CCDC112: variants seen among roughly 807,000 people sequenced by gnomAD.
CCDC112 encodes coiled-coil domain containing 112, also known as coiled-coil domain-containing protein 112.
In CCDC112, 40 loss-of-function variants were observed where a neutral mutation model predicts 66.3. The observed-to-expected ratio is 0.60, with a 90% CI of 0.47 to 0.79. The LOEUF is 0.79. CCDC112 is among the 30% of genes least tolerant of loss of function. The pLI, the probability that CCDC112 is intolerant of heterozygous loss-of-function variation, is 0.00. For synonymous variants in CCDC112, 214 were observed against 197.2 expected (o/e 1.09, Z -0.71); for missense variants, 659 against 603.8 (o/e 1.09, Z -0.96).
intron 2 of CCDC112, among the ~76,000 whole-genome samples, chr5:115,283,251 C>G (rs917602518): frequency 6.6e-6 from 1 of 151,888 alleles, no homozygotes; most frequent in African/African-American, 2.4e-5. Context: ...TAACTTGTAC[C>G]CTTTGACCAA....
In CCDC112 at chr5:115,275,371, G is replaced by A. The variant is rs748964546; in HGVS notation, c.763C>T (p.His255Tyr). 20 of 1,613,856 alleles carry A rather than the reference G, an allele frequency of 1.2e-5. No homozygotes were observed. Among genetic ancestry groups the A allele is most frequent in the Non-Finnish European group, 1.3e-5 (15 of 1,180,004 alleles). Residue 255 changes from histidine to tyrosine, a missense_variant, in exon 6 of 10, where the codon CAC becomes TAC. Coordinates refer to ENST00000379611, the MANE Select transcript of CCDC112 (RefSeq NM_001040440.3). The stretch of plus-strand genomic sequence containing the variant: ...TTTCTCACCTTTACAAAGTTCTGGT[G>A]ATCATAATCATCCCAGGCACCTTGT... ...GRQGAWDDYD[H>Y]QNFVKVRNKH...
intron 1 of CCDC112, chr5:115,296,153 G>GC: frequency 8.4e-7 from 1 of 1,187,320 alleles, no homozygotes; most frequent in Non-Finnish European, 1.0e-6. Flanking sequence ...AAGAAAGTGA[G>GC]TCGCCGACAG....
intron 4 of CCDC112, among the ~76,000 whole-genome samples, chr5:115,276,309 A>G (rs960875094): frequency 6.6e-6 from 1 of 152,192 alleles, no homozygotes; most frequent in African/African-American, 2.4e-5. Flanking sequence ...GAAAGCTCAG[A>G]TATATCAAGT....
intron 2 of CCDC112, among the ~76,000 whole-genome samples, chr5:115,283,683 T>A (rs2963770): frequency 0.3 from 45,843 of 151,972 alleles, 7,294 homozygotes; most frequent in Middle Eastern, 0.53. Flanking sequence ...CTCCAAAAGC[T>A]ACGATATGGT....
rs1214298742 is a variant in CCDC112 at position 115,268,875 on chromosome 5, T to C, written c.1547+7A>G. 6.6e-7 allele frequency: 1 copy of C among 1,525,990 alleles called. No individual in the cohort carries two copies. The highest frequency in any genetic ancestry group is 8.9e-7 in the Non-Finnish European group (1 of 1,121,716). 94.5% of individuals were successfully genotyped at this position (1,525,990 alleles called of 1,614,324 possible). ...CTAAATGAACACCAATTCTAACTCTTTCTTACCTATGTGGGATATGTAGAA... is the reference window on the plus strand; with the variant it reads ...CTAAATGAACACCAATTCTAACTCTCTCTTACCTATGTGGGATATGTAGAA... On this transcript the variant is annotated splice_region_variant and intron_variant, in intron 9 of 9. Transcript: ENST00000379611.
At chr5:115,278,766 T>C (rs1032993111) in intron 3 of CCDC112, among the ~76,000 whole-genome samples, 5 of 152,244 alleles carry the variant, frequency 3.3e-5, no homozygotes, top group African/African-American at 1.2e-4. Context: ...GTGTAATCTT[T>C]TCTTTTAAAA....
intron 1 of CCDC112, among the ~76,000 whole-genome samples, chr5:115,291,246 G>A (rs1033397751): frequency 6.6e-6 from 1 of 151,772 alleles, no homozygotes; most frequent in Non-Finnish European, 1.5e-5. Flanking sequence ...ATGATTATGC[G>A]GTTTTGCCCT....
intron 7 of CCDC112, 134 bp downstream of exon 7, chr5:115,271,079 G>A (rs945175700): frequency 3.0e-5 from 22 of 726,164 alleles, no homozygotes; most frequent in Admixed American, 9.1e-5. Context: ...TAGGGAGCAC[G>A]GCTTACTCAT....
chr5:115,267,944 T>C, intron 9 of CCDC112, 26 bp from the exon 10 acceptor site: 1 of 1,576,084 alleles, frequency 6.3e-7, no homozygotes, highest in South Asian at 1.1e-5. Flanking sequence ...GAAAAGCAAT[T>C]GTAAATATGT....
chr5:115,281,765 AAAC>A (rs984455542), intron 2 of CCDC112, among the ~76,000 whole-genome samples: 1 of 152,204 alleles, frequency 6.6e-6, no homozygotes, highest in Non-Finnish European at 1.5e-5. Flanking sequence ...ACAAAAATGA[AAAC>A]AACCTCCTCA....
At chr5:115,286,579 A>G (rs1304850577) in intron 1 of CCDC112, among the ~76,000 whole-genome samples, 3 of 152,184 alleles carry the variant, frequency 2.0e-5, no homozygotes, top group Non-Finnish European at 2.9e-5. Context: ...TTTCTGGATC[A>G]TAAAGTAACT....
At chr5:115,268,019 A>G (rs1748816074) in intron 9 of CCDC112, 101 bp from the exon 10 acceptor site, 1 of 860,964 alleles carries the variant, frequency 1.2e-6, no homozygotes, top group East Asian at 2.5e-5. Flanking sequence ...TATATAACCT[A>G]CCCTGCATGT....
chr5:115,285,379 T>A (rs894385797), intron 1 of CCDC112, among the ~76,000 whole-genome samples: 1 of 152,062 alleles, frequency 6.6e-6, no homozygotes, highest in Non-Finnish European at 1.5e-5. Context: ...AGGGCTCAGA[T>A]GGAGAAAGCG....
chr5:115,271,270 T>G lies in CCDC112; in HGVS notation c.1275A>C (p.Ala425=). ...LRLEKEIREK[A]EKAEKRKNAA... ...CATTTTTCCTTTTTTCTGCCTTTTC[T>G]GCCTTTTCCCTTATCTCCTTTTCAA... The change falls in exon 7 of 10, where the codon GCA becomes GCC. Residue 425 remains alanine (A), a synonymous_variant. Coordinates refer to ENST00000379611, the MANE Select transcript of CCDC112 (RefSeq NM_001040440.3). 4 of 1,597,578 alleles carry G rather than the reference T, an allele frequency of 2.5e-6. No homozygotes were observed. Among genetic ancestry groups the G allele is most frequent in the Non-Finnish European group, 2.6e-6 (3 of 1,176,160 alleles).
Position 115,296,521 on chromosome 5 carries a change from ACAACCGTCGT to A in CCDC112, c.13_22del (p.Thr5TrpfsTer2). ...TACCGCGGTGGCCGCAGCCGCTACC[ACAACCGTCGT>A]CAGTGCGGCCATGTTTACCCGCCGA... On this transcript the variant is annotated frameshift_variant, in exon 1 of 10. Coordinates refer to ENST00000379611, the MANE Select transcript of CCDC112 (RefSeq NM_001040440.3). LOFTEE classifies it high-confidence loss of function. 2 of 1,542,500 alleles carry A rather than the reference ACAACCGTCGT, an allele frequency of 1.3e-6. No homozygotes were observed. The highest frequency in any genetic ancestry group is 1.7e-6 in the Non-Finnish European group (2 of 1,149,316).
chr5:115,281,933 AATTTAGCAAT>A (rs2127064386), intron 2 of CCDC112, among the ~76,000 whole-genome samples: 1 of 152,364 alleles, frequency 6.6e-6, no homozygotes, highest in East Asian at 1.9e-4. Flanking sequence ...TACGGAGGGC[AATTTAGCAAT>A]ATTTATCACA....
intron 3 of CCDC112, among the ~76,000 whole-genome samples, chr5:115,279,249 G>A (rs1749339626): frequency 6.6e-6 from 1 of 152,126 alleles, no homozygotes; most frequent in Non-Finnish European, 1.5e-5. Context: ...CTTTGAATCT[G>A]TTGATGCTTA....
chr5:115,267,332 T>C lies in CCDC112; in HGVS notation c.*544A>G, dbSNP rs1748778300. The C allele has an allele frequency of 6.5e-6, 1 of 152,818 alleles. No homozygotes were observed. The highest frequency in any genetic ancestry group is 2.4e-5 in the African/African-American group (1 of 41,448). The allele number at this position is 152,818 out of a possible 1,614,324, so 9.5% of individuals were successfully genotyped here. A position where few individuals can be genotyped will look rare whatever the true frequency, so the allele number is the denominator to read the frequency against. On this transcript the variant is annotated 3_prime_UTR_variant, in exon 10 of 10. Coordinates refer to ENST00000379611, the MANE Select transcript of CCDC112 (RefSeq NM_001040440.3). ...AGAGACATATTTTTAAAATAAATAT[T>C]CTCTATATAAAACAAAGCATGCTTC...
chr5:115,287,673 C>A (rs1350686378), intron 1 of CCDC112, among the ~76,000 whole-genome samples: 2 of 144,868 alleles, frequency 1.4e-5, no homozygotes, highest in East Asian at 2.1e-4. Flanking sequence ...CCGAAGTAAA[C>A]AGATGTTAAC....
Sources: gnomAD v4.1 joint callset for allele counts (sites outside exome capture counted in the v4.1 genomes callset) on GRCh38, gnomAD v4.1.1 for gene constraint, MANE v1.5 for transcripts, NCBI Gene and HGNC (gene_info 2026-07-23, HGNC 2026-07-21) for gene names.